Variants in EPS8 observed in about 807,000 individuals in gnomAD.
EPS8 encodes the protein EGFR pathway substrate 8, signaling adaptor.
In EPS8, 42 loss-of-function variants were observed where a neutral mutation model predicts 103.8. The ratio of observed to expected loss-of-function variants is 0.40; its 90% CI spans 0.32 to 0.52. The LOEUF (loss-of-function observed/expected upper bound fraction) is 0.52. EPS8 is among the 20% of genes least tolerant of loss of function. The pLI, the probability that EPS8 is intolerant of heterozygous loss-of-function variation, is 0.40. For synonymous variants in EPS8, 344 were observed against 344.6 expected, an observed-to-expected ratio of 1.00 and a Z score of 0.02; for missense variants, 969 against 1,005.1, an observed-to-expected ratio of 0.96 and a Z score of 0.49.
chr12:15,746,689 AT>A (rs1946878727), intron 1 of EPS8, among the ~76,000 whole-genome samples: 1 of 152,130 alleles, frequency 6.6e-6, no homozygotes, highest in African/African-American at 2.4e-5. Context: ...CTACTCAGTA[AT>A]TTGAGCAACT....
chr12:15,653,806 C>A (rs567706738), intron 13 of EPS8, among the ~76,000 whole-genome samples: 1 of 152,196 alleles, frequency 6.6e-6, no homozygotes, highest in East Asian at 1.9e-4. Flanking sequence ...TGCGCGCGCG[C>A]GCGCATGTGT....
chr12:15,625,433 G>A (rs1944928699), intron 18 of EPS8, among the ~76,000 whole-genome samples: 1 of 151,974 alleles, frequency 6.6e-6, no homozygotes, highest in Non-Finnish European at 1.5e-5. Context: ...TCCTTTCCCA[G>A]CTACTGCCCA....
At position 15,752,758 on chromosome 12, in the gene EPS8, A is replaced by C. The variant is rs1230300341; in HGVS notation, c.-22+36403T>G. On this transcript the variant is annotated intron_variant, in intron 1 of 20. Coordinates refer to ENST00000281172, the MANE Select transcript of EPS8 (RefSeq NM_004447.6). The surrounding 1 kb of genome is among the most constrained non-coding windows in gnomAD (Gnocchi z 4.4). Reference sequence around the variant, plus strand: ...TGATGTTGGTCATGATAAAAATAGTAGGAAAATTAATTGTAATAACAGTAA... The same window carrying C: ...TGATGTTGGTCATGATAAAAATAGTCGGAAAATTAATTGTAATAACAGTAA... Among the ~76,000 whole-genome samples the C allele has an allele frequency of 6.6e-6, 1 of 152,152 alleles. No homozygotes were observed. The highest frequency in any genetic ancestry group is 1.5e-5 in the Non-Finnish European group (1 of 68,026).
At chr12:15,681,437 G>T (rs1288860772) in intron 2 of EPS8, 135 bp from the exon 3 acceptor site, 1 of 297,874 alleles carries the variant, frequency 3.4e-6, no homozygotes, top group Non-Finnish European at 5.8e-6. Flanking sequence ...GTGTTTAAAA[G>T]AACATACTGA....
intron 1 of EPS8, among the ~76,000 whole-genome samples, chr12:15,766,148 A>G (rs1947093402): frequency 6.6e-6 from 1 of 151,656 alleles, no homozygotes; most frequent in Admixed American, 6.6e-5. Flanking sequence ...AATACTCTTC[A>G]GCAGTTTGTT....
At chr12:15,711,781 G>A (rs1472166138) in intron 1 of EPS8, among the ~76,000 whole-genome samples, 1 of 152,068 alleles carries the variant, frequency 6.6e-6, no homozygotes, top group African/African-American at 2.4e-5. Flanking sequence ...GTATATAAGG[G>A]TCTTAAGAAA....
intron 1 of EPS8, among the ~76,000 whole-genome samples, chr12:15,783,473 A>G (rs1254100352): frequency 6.6e-6 from 1 of 152,136 alleles, no homozygotes; most frequent in East Asian, 1.9e-4. Flanking sequence ...TACTTGAAAA[A>G]AGTCACTTGT....
rs1946325489 is a variant in EPS8 at position 15,702,663 on chromosome 12, A to G, written c.-21-19691T>C. Among the ~76,000 whole-genome samples the G allele has an allele frequency of 6.8e-6, 1 of 147,022 alleles. No individual in the cohort carries two copies. Among genetic ancestry groups the G allele is most frequent in the Admixed American group, 6.6e-5 (1 of 15,038 alleles). ...AAAAAATTGCATGCCTAATATTTTT[A>G]CCTATATCCAAAACACATATCCAAT... On this transcript the variant is annotated intron_variant, in intron 1 of 20. Transcript: ENST00000281172. The surrounding 1 kb of genome is among the most constrained non-coding windows in gnomAD (Gnocchi z 5.1).
chr12:15,681,304 T>C lies in EPS8; in HGVS notation c.60-2A>G. 1 of 1,202,148 alleles carries C rather than the reference T, an allele frequency of 8.3e-7. No homozygotes were observed. The allele number at this position is 1,202,148 out of a possible 1,614,324, so 74.5% of individuals were successfully genotyped here. On this transcript the variant is annotated splice_acceptor_variant, in intron 2 of 20. Coordinates refer to ENST00000281172, the MANE Select transcript of EPS8 (RefSeq NM_004447.6). LOFTEE classifies it high-confidence loss of function. Reference sequence around the variant, plus strand: ...AAGGTAGGTGATGATCCGTAGCCACTGTAATAATAATAATAATAATAATAA... The same window carrying C: ...AAGGTAGGTGATGATCCGTAGCCACCGTAATAATAATAATAATAATAATAA...
rs1471238291 is a variant in EPS8, at chr12:15,697,220, A to T, written c.-21-14248T>A. Among the ~76,000 whole-genome samples the T allele has an allele frequency of 6.6e-6, 1 of 152,230 alleles. No homozygotes were observed. The highest frequency in any genetic ancestry group is 1.5e-5 in the Non-Finnish European group (1 of 68,044). On this transcript the variant is annotated intron_variant, in intron 1 of 20. Coordinates refer to ENST00000281172, the MANE Select transcript of EPS8 (RefSeq NM_004447.6). The surrounding 1 kb of genome is among the most constrained non-coding windows in gnomAD (Gnocchi z 5.6). ...CACAAACTGATTAAAATGTCTAAAT[A>T]ACCCCCCAAATTAACTCCAGCTCTT... is the stretch of plus-strand genomic sequence containing the variant.
At chr12:15,715,138 G>GT (rs1162232570) in intron 1 of EPS8, among the ~76,000 whole-genome samples, 1 of 152,128 alleles carries the variant, frequency 6.6e-6, no homozygotes, top group Non-Finnish European at 1.5e-5. Flanking sequence ...ACTTCACCCA[G>GT]TATCACACTC....
At chr12:15,678,426 T>C (rs1328892712) in intron 3 of EPS8, among the ~76,000 whole-genome samples, 1 of 152,178 alleles carries the variant, frequency 6.6e-6, no homozygotes, top group African/African-American at 2.4e-5. Flanking sequence ...TTGCTAAGAC[T>C]TCTCTCTTCC....
In EPS8 at chr12:15,771,667, T is replaced by C. The variant is rs541988459; in HGVS notation, c.-22+17494A>G. On this transcript the variant is annotated intron_variant, in intron 1 of 20. Coordinates refer to ENST00000281172, the MANE Select transcript of EPS8 (RefSeq NM_004447.6). This position sits in a 1 kb window ranked among gnomAD's most constrained non-coding sequence, Gnocchi z 4.6. ...CTTCTAATGGGCTAGAAATTCTCCG[T>C]AGGATTGCACTGCACTCCAGCCTGG... Among the ~76,000 whole-genome samples the C allele has an allele frequency of 6.6e-6, 1 of 151,652 alleles. No homozygotes were observed. The highest frequency in any genetic ancestry group is 1.5e-5 in the Non-Finnish European group (1 of 67,926).
intron 1 of EPS8, among the ~76,000 whole-genome samples, chr12:15,732,919 C>T (rs1393937920): frequency 6.6e-6 from 1 of 152,094 alleles, no homozygotes; most frequent in African/African-American, 2.4e-5. Flanking sequence ...GAAAATATAA[C>T]GTTTTCTTGT....
At chr12:15,629,021 T>C (rs532012571) in intron 18 of EPS8, among the ~76,000 whole-genome samples, 4 of 152,226 alleles carry the variant, frequency 2.6e-5, no homozygotes, top group Non-Finnish European at 5.9e-5. Flanking sequence ...ATTTTTGAGA[T>C]ATTTTAAAAA....
At chr12:15,685,551 T>C (rs1946081797) in intron 1 of EPS8, among the ~76,000 whole-genome samples, 1 of 152,216 alleles carries the variant, frequency 6.6e-6, no homozygotes, top group Non-Finnish European at 1.5e-5. Flanking sequence ...AAATGCATGG[T>C]CTCTCTTTTG....
intron 1 of EPS8, among the ~76,000 whole-genome samples, chr12:15,687,534 T>C (rs1346061934): frequency 6.6e-6 from 1 of 152,148 alleles, no homozygotes; most frequent in Non-Finnish European, 1.5e-5. Context: ...CAGAACATAA[T>C]TTTGGGAAAA....
intron 14 of EPS8, 127 bp downstream of exon 14, chr12:15,650,696 G>T (rs953117832): frequency 6.4e-6 from 5 of 778,052 alleles, no homozygotes; most frequent in Admixed American, 2.7e-5. Context: ...TCAGGACAGG[G>T]TAACATTCAG....
chr12:15,694,280 CA>C (rs199691226), intron 1 of EPS8, among the ~76,000 whole-genome samples: 36 of 148,798 alleles, frequency 2.4e-4, no homozygotes, highest in African/African-American at 7.9e-4. Context: ...GAAAGTAACA[CA>C]AAAAAAAATG....
Sources: allele counts gnomAD v4.1 joint callset (sites outside exome capture counted in the v4.1 genomes callset), GRCh38; gene constraint gnomAD v4.1.1; non-coding constraint Gnocchi (gnomAD v3.1); transcripts MANE v1.5; gene names NCBI Gene and HGNC (gene_info 2026-07-23, HGNC 2026-07-21).